IL4I1: variants seen among roughly 807,000 people sequenced by gnomAD.
IL4I1 encodes the protein L-amino-acid oxidase.
Under a neutral mutation model 29.7 loss-of-function variants are expected in IL4I1, and 24 were observed. The observed-to-expected ratio is 0.81, with a 90% CI of 0.59 to 1.14. The LOEUF (loss-of-function observed/expected upper bound fraction) is 1.14. Among genes scored for constraint, IL4I1 ranks in the 50% most tolerant of loss-of-function variants. The probability of loss-of-function intolerance (pLI) is 0.00; values close to 1 mark genes in which losing one functional copy is unlikely to be tolerated. For missense variants in IL4I1, 686 were observed against 785.6 expected (o/e 0.87, Z 1.52); for synonymous variants, 371 against 352.5 (o/e 1.05, Z -0.59).
At chr19:49,908,614 G>A (rs902105028) in intron 2 of IL4I1, 26 of 1,613,680 alleles carry the variant, frequency 1.6e-5, no homozygotes, top group Admixed American at 1.0e-4. Context: ...CCTTCTGCTG[G>A]GACAGGATGA....
chr19:49,909,013 G>T, intron 2 of IL4I1: 1 of 1,612,638 alleles, frequency 6.2e-7, no homozygotes. Flanking sequence ...TGGAGGTGCC[G>T]GAAGCTGCTC....
intron 2 of IL4I1, among the ~76,000 whole-genome samples, chr19:49,926,069 C>G (rs1190809542): frequency 6.6e-6 from 1 of 151,814 alleles, no homozygotes; most frequent in Non-Finnish European, 1.5e-5. Flanking sequence ...ATTAGCCAGG[C>G]ATGATGGTGC....
upstream of IL4I1, among the ~76,000 whole-genome samples, chr19:49,899,176 CCTA>C (rs1379628932): frequency 1.2e-4 from 18 of 152,230 alleles, 1 homozygote; most frequent in South Asian, 8.3e-4. Context: ...CTTGTTCAGT[CCTA>C]CAGCCGCATA....
chr19:49,897,783 G>C (rs905386868), upstream of IL4I1, among the ~76,000 whole-genome samples: 2 of 152,036 alleles, frequency 1.3e-5, no homozygotes, highest in African/African-American at 4.8e-5. Context: ...CAGGGGCTCC[G>C]TGAGGAGGAA....
chr19:49,923,695 T>A (rs546970922), intron 2 of IL4I1, among the ~76,000 whole-genome samples: 1 of 152,330 alleles, frequency 6.6e-6, no homozygotes, highest in East Asian at 1.9e-4. Context: ...ATTTACACAT[T>A]TAATCCTCAA....
At chr19:49,895,731 A>C in intron 3 of IL4I1, 84 bp downstream of exon 3, 1 of 640,232 alleles carries the variant, frequency 1.6e-6, no homozygotes, top group Non-Finnish European at 2.7e-6. Flanking sequence ...CCCCTCAAGG[A>C]GGAACGCGGC....
At chr19:49,908,666 T>C in intron 2 of IL4I1, 1 of 1,612,492 alleles carries the variant, frequency 6.2e-7, no homozygotes, top group Non-Finnish European at 8.5e-7. Flanking sequence ...CAGCTTCACC[T>C]TCTCCACCTC....
upstream of IL4I1, among the ~76,000 whole-genome samples, chr19:49,897,632 A>G (rs2075228363): frequency 1.3e-5 from 2 of 152,326 alleles, no homozygotes; most frequent in South Asian, 2.1e-4. Flanking sequence ...ACCACCCGGC[A>G]GAGGGAAGCG....
chr19:49,920,485 T>C (rs375017302), intron 2 of IL4I1, among the ~76,000 whole-genome samples: 9 of 152,124 alleles, frequency 5.9e-5, no homozygotes, highest in African/African-American at 1.9e-4. Flanking sequence ...CACTGATAAA[T>C]GGATATGGAT....
chr19:49,907,827 C>T (rs911974511), intron 2 of IL4I1: 9 of 331,390 alleles, frequency 2.7e-5, no homozygotes, highest in East Asian at 8.7e-5. Flanking sequence ...TGAGCCACTG[C>T]GCCCTGACTT....
intron 2 of IL4I1, chr19:49,907,537 CTTTTTT>C (rs4009637): frequency 8.0e-4 from 267 of 332,018 alleles, no homozygotes; most frequent in East Asian, 1.7e-3. Flanking sequence ...CTGGGAGTTT[CTTTTTT>C]TTTTTTTTTT....
At chr19:49,897,778 G>GCTC (rs377278791), upstream of IL4I1, among the ~76,000 whole-genome samples, 1 of 152,116 alleles carries the variant, frequency 6.6e-6, no homozygotes, top group Non-Finnish European at 1.5e-5. Flanking sequence ...GGAGCCAGGG[G>GCTC]CTCCGTGAGG....
chr19:49,908,217 C>T (rs760945372), intron 2 of IL4I1: 174 of 1,610,474 alleles, frequency 1.1e-4, no homozygotes, highest in Non-Finnish European at 1.3e-4. Flanking sequence ...TAGGGACCTG[C>T]GGGCCCCAGG....
intron 5 of IL4I1, 90 bp from the exon 6 acceptor site, chr19:49,891,563 G>A (rs2075139657): frequency 8.5e-7 from 1 of 1,171,310 alleles, no homozygotes; most frequent in East Asian, 2.3e-5. Context: ...TTCTCCTCGT[G>A]GTTCTGCCCA....
chr19:49,925,135 C>T (rs1037731613), intron 2 of IL4I1, among the ~76,000 whole-genome samples: 2 of 152,086 alleles, frequency 1.3e-5, no homozygotes, highest in Non-Finnish European at 2.9e-5. Context: ...GTGACACATG[C>T]CTGTAATCCT....
intron 2 of IL4I1, among the ~76,000 whole-genome samples, chr19:49,915,871 T>C (rs1432790962): frequency 1.3e-5 from 2 of 152,152 alleles, no homozygotes; most frequent in Admixed American, 1.3e-4. Context: ...CCATCTATGA[T>C]GGGAGGGAAG....
intron 2 of IL4I1, chr19:49,907,272 G>C (rs1222154279): frequency 2.4e-5 from 7 of 294,372 alleles, no homozygotes; most frequent in South Asian, 8.1e-5. Flanking sequence ...CCTGAGCTTC[G>C]GGTAGCTGGG....
intron 4 of IL4I1, 39 bp from the exon 5 acceptor site, chr19:49,894,508 T>C: frequency 1.8e-6 from 2 of 1,140,886 alleles, no homozygotes; most frequent in Non-Finnish European, 2.2e-6. Context: ...CGGGCTCCAG[T>C]GGGGGTGGCC....
At chr19:49,898,474 A>G (rs1600477502), upstream of IL4I1, among the ~76,000 whole-genome samples, 1 of 152,166 alleles carries the variant, frequency 6.6e-6, no homozygotes. Context: ...CCCTTTCTCT[A>G]AAAAAGAAAA....
Sources: gnomAD v4.1 joint callset for allele counts (sites outside exome capture counted in the v4.1 genomes callset) on GRCh38, gnomAD v4.1.1 for gene constraint, MANE v1.5 for transcripts, NCBI Gene and HGNC (gene_info 2026-07-23, HGNC 2026-07-21) for gene names.